Variants in UNC5C observed in about 807,000 individuals in gnomAD.
UNC5C encodes the protein unc-5 netrin receptor C.
In UNC5C, 47 loss-of-function variants were observed where a neutral mutation model predicts 99.8. The ratio of observed to expected loss-of-function variants is 0.47; its 90% CI spans 0.37 to 0.60. UNC5C has a LOEUF of 0.60. Ranked by LOEUF, UNC5C falls within the 20% of genes least tolerant of loss-of-function variation. The pLI, the probability that UNC5C is intolerant of heterozygous loss-of-function variation, is 0.00. For missense variants in UNC5C, 1,062 were observed against 1,165.9 expected, an observed-to-expected ratio of 0.91 and a Z score of 1.30; for synonymous variants, 487 against 452.2, an observed-to-expected ratio of 1.08 and a Z score of -0.98.
At chr4:95,473,651 A>G (rs112766610) in intron 1 of UNC5C, among the ~76,000 whole-genome samples, 10 of 152,268 alleles carry the variant, frequency 6.6e-5, no homozygotes, top group African/African-American at 2.4e-4. Context: ...AGCCTATCAT[A>G]AGATGAAGTT....
chr4:95,190,553 A>C (rs890941744), intron 12 of UNC5C, among the ~76,000 whole-genome samples: 1 of 152,158 alleles, frequency 6.6e-6, no homozygotes, highest in Admixed American at 6.5e-5. Flanking sequence ...CTTGCACTCA[A>C]GTAAACTTCC....
chr4:95,432,564 C>A (rs185020068), intron 1 of UNC5C, among the ~76,000 whole-genome samples: 9 of 152,094 alleles, frequency 5.9e-5, no homozygotes, highest in Admixed American at 3.9e-4. Context: ...CTGTTATAAT[C>A]CCTCACCCCC....
intron 1 of UNC5C, among the ~76,000 whole-genome samples, chr4:95,505,869 G>A (rs915247915): frequency 1.3e-5 from 2 of 151,972 alleles, no homozygotes; most frequent in African/African-American, 2.4e-5. Flanking sequence ...TCACAACTCT[G>A]ATTTATCTTG....
chr4:95,278,470 CTTTCT>C (rs1740940518), intron 3 of UNC5C, 108 bp from the exon 4 acceptor site: 2 of 818,540 alleles, frequency 2.4e-6, no homozygotes, highest in Non-Finnish European at 3.9e-6. Context: ...GCTTTTTTTT[CTTTCT>C]TTTTTCTTTT....
At chr4:95,511,795 A>G (rs983814314) in intron 1 of UNC5C, among the ~76,000 whole-genome samples, 3 of 151,714 alleles carry the variant, frequency 2.0e-5, no homozygotes, top group African/African-American at 4.8e-5. Context: ...AATGCAATGG[A>G]AAAAAAAATC....
rs1378208199 is a variant in UNC5C at position 95,325,113 on chromosome 4, T to A, written c.346+10297A>T. 2.0e-5 allele frequency among the ~76,000 whole-genome samples: 3 copies of A among 152,156 alleles called. No homozygotes were observed. The South Asian group carries it at 6.2e-4, about 32-fold the overall frequency. On this transcript the variant is annotated intron_variant, in intron 2 of 15. Coordinates refer to ENST00000453304, the MANE Select transcript of UNC5C (RefSeq NM_003728.4). ...CCATATCGGCTTACTATATAAGGCA[T>A]GTGGTAAAGGTGAAACTATGGGACA...
At chr4:95,410,425 C>G (rs536759406) in intron 1 of UNC5C, among the ~76,000 whole-genome samples, 1 of 152,290 alleles carries the variant, frequency 6.6e-6, no homozygotes, top group Admixed American at 6.5e-5. Context: ...AAGACTCCAC[C>G]TCTTCTTTAG....
At chr4:95,321,853 A>C (rs2621439) in intron 2 of UNC5C, among the ~76,000 whole-genome samples, 120,316 of 152,110 alleles carry the variant, frequency 0.79, 47,996 homozygotes, top group East Asian at 1. Context: ...AGTGAAACAG[A>C]CTTCATGTAC....
chr4:95,405,316 C>G (rs974886860), intron 1 of UNC5C, among the ~76,000 whole-genome samples: 1 of 152,164 alleles, frequency 6.6e-6, no homozygotes, highest in African/African-American at 2.4e-5. Flanking sequence ...CTCCCCCTCA[C>G]GGAAGGGGTT....
At chr4:95,206,904 T>A in intron 10 of UNC5C, 108 bp from the exon 11 acceptor site, 5 of 692,562 alleles carry the variant, frequency 7.2e-6, no homozygotes, top group Non-Finnish European at 7.9e-6. Context: ...CTGGAATTCT[T>A]TTTTTTTTTT....
intron 1 of UNC5C, among the ~76,000 whole-genome samples, chr4:95,541,532 C>A (rs1722920521): frequency 6.6e-6 from 1 of 152,132 alleles, no homozygotes; most frequent in Non-Finnish European, 1.5e-5. Context: ...CATTAGATTG[C>A]ACTAAACTTC....
intron 1 of UNC5C, among the ~76,000 whole-genome samples, chr4:95,503,783 C>T (rs961451410): frequency 6.6e-6 from 1 of 151,966 alleles, no homozygotes. Flanking sequence ...TAGCATGGCC[C>T]CTCATCACTC....
At chr4:95,343,184 C>T (rs984398283) in intron 1 of UNC5C, among the ~76,000 whole-genome samples, 7 of 152,042 alleles carry the variant, frequency 4.6e-5, no homozygotes, top group African/African-American at 1.7e-4. Context: ...CAGGCAGTGG[C>T]TACCATGGGC....
intron 14 of UNC5C, among the ~76,000 whole-genome samples, chr4:95,176,293 C>A (rs1489096417): frequency 1.3e-5 from 2 of 151,670 alleles, no homozygotes; most frequent in African/African-American, 2.4e-5. Flanking sequence ...TGAGGAACTG[C>A]GTTCCTTTGG....
intron 2 of UNC5C, among the ~76,000 whole-genome samples, chr4:95,311,948 G>A (rs1040438236): frequency 6.6e-6 from 1 of 152,130 alleles, no homozygotes; most frequent in Non-Finnish European, 1.5e-5. Context: ...TCAGGAGGCT[G>A]AGGCAGGAGT....
At chr4:95,195,322 C>G (rs1358863423) in intron 12 of UNC5C, among the ~76,000 whole-genome samples, 1 of 152,198 alleles carries the variant, frequency 6.6e-6, no homozygotes, top group African/African-American at 2.4e-5. Context: ...GTACCACGCT[C>G]CCTCCCATAC....
At chr4:95,501,392 T>C (rs1471588441) in intron 1 of UNC5C, among the ~76,000 whole-genome samples, 1 of 152,084 alleles carries the variant, frequency 6.6e-6, no homozygotes, top group African/African-American at 2.4e-5. Flanking sequence ...TTTTGCTATT[T>C]AATTAAGAGA....
chr4:95,352,066 C>A (rs1744011951), intron 1 of UNC5C, among the ~76,000 whole-genome samples: 1 of 152,114 alleles, frequency 6.6e-6, no homozygotes, highest in Non-Finnish European at 1.5e-5. Flanking sequence ...CATCTCATCC[C>A]AACTGTGGCT....
chr4:95,356,193 C>CAAAAAAAAAAAAA (rs59097041), intron 1 of UNC5C, among the ~76,000 whole-genome samples: 10 of 57,994 alleles, frequency 1.7e-4, no homozygotes, highest in African/African-American at 7.1e-4. Context: ...GACCCTGTAG[C>CAAAAAAAAAAAAA]AAAAAAAAAA....
Sources: gnomAD v4.1 joint callset for allele counts (sites outside exome capture counted in the v4.1 genomes callset) on GRCh38, gnomAD v4.1.1 for gene constraint, MANE v1.5 for transcripts, NCBI Gene and HGNC (gene_info 2026-07-23, HGNC 2026-07-21) for gene names.